PHYKPL: variants seen among roughly 807,000 people sequenced by gnomAD.
The protein encoded by PHYKPL is 5-phosphonooxy-L-lysine phospho-lyase.
PHYKPL carries 42 observed loss-of-function variants against 51.3 expected under a neutral mutation model. The observed-to-expected ratio is 0.82, with a 90% CI of 0.64 to 1.06. PHYKPL has a LOEUF of 1.06. Ranked by LOEUF, PHYKPL falls within the 50% of genes least tolerant of loss-of-function variation. The pLI is 0.00. For missense variants in PHYKPL, 655 were observed against 586.6 expected (o/e 1.12, Z -1.20); for synonymous variants, 264 against 236.0 (o/e 1.12, Z -1.09).
chr5:178,232,481 C>G lies in PHYKPL; in HGVS notation c.59+11G>C, dbSNP rs745436950. The G allele has an allele frequency of 2.7e-5, 37 of 1,366,070 alleles. No individual in the cohort carries two copies. The highest frequency in any genetic ancestry group is 5.3e-4 in the Middle Eastern group (2 of 3,784). 84.6% of individuals were successfully genotyped at this position (1,366,070 alleles called of 1,614,324 possible). A position where few individuals can be genotyped will look rare whatever the true frequency, so the allele number is the denominator to read the frequency against. On this transcript the variant is annotated intron_variant, in intron 1 of 12. Coordinates refer to ENST00000308158, the MANE Select transcript of PHYKPL (RefSeq NM_153373.4). ...CCCGCGCCCCCCGCCGCCCGCCCCC[C>G]GCCCGGGTACCTGATGAGCCGTTGC...
intron 8 of PHYKPL, among the ~76,000 whole-genome samples, chr5:178,220,402 GGA>G (rs1289210477): frequency 6.6e-6 from 1 of 151,832 alleles, no homozygotes; most frequent in African/African-American, 2.4e-5. Context: ...GGTTGAGGCA[GGA>G]GAGTTGCTTG....
rs1383827971 is a variant in PHYKPL, at chr5:178,214,832, G to A, written c.1136C>T (p.Thr379Ile). Reference protein sequence around the residue: ...VDLIKDEATRTPATEEAAYLV... With the variant: ...VDLIKDEATRIPATEEAAYLV... The stretch of plus-strand genomic sequence containing the variant: ...GTAGGCAGCCTCTTCAGTTGCTGGT[G>A]TCCTTGTGGCCTCATCTTTGATCAG... The change falls in exon 10 of 13, where the codon ACA (threonine) becomes ATA (isoleucine). Residue 379 changes from threonine (T) to isoleucine (I), a missense_variant. Thr to Ile is a moderately conservative substitution (Grantham distance 89). Coordinates refer to ENST00000308158, the MANE Select transcript of PHYKPL (RefSeq NM_153373.4). 2 of 1,613,576 alleles carry A rather than the reference G, an allele frequency of 1.2e-6. No homozygotes were observed.
intron 3 of PHYKPL, chr5:178,225,840 T>C (rs1260459829): frequency 9.9e-6 from 2 of 201,864 alleles, no homozygotes; most frequent in Admixed American, 1.1e-4. Context: ...TCCAATTCAA[T>C]TCCAACACTA....
chr5:178,225,535 C>T lies in PHYKPL; in HGVS notation c.339-106G>A. The stretch of plus-strand genomic sequence containing the variant: ...TCCAGCAGCAAGAAGATTCTCAGGA[C>T]ATCAACTAGTCAGTCACTTGCTTGT... On this transcript the variant is annotated intron_variant, in intron 3 of 12. Transcript: ENST00000308158. 2.9e-6 allele frequency: 3 copies of T among 1,024,798 alleles called. No individual in the cohort carries two copies. In the South Asian group the frequency reaches 4.0e-5, roughly 14 times the overall value. 63.5% of individuals were successfully genotyped at this position (1,024,798 alleles called of 1,614,324 possible). A position where few individuals can be genotyped will look rare whatever the true frequency, so the allele number is the denominator to read the frequency against.
chr5:178,225,213 G>T, intron 4 of PHYKPL, 142 bp downstream of exon 4: 1 of 936,204 alleles, frequency 1.1e-6, no homozygotes, highest in Non-Finnish European at 1.6e-6. Context: ...TCTCAGGCCT[G>T]GTCCTCTGCC....
chr5:178,223,627 G>C (rs369675834), intron 6 of PHYKPL: 1 of 373,468 alleles, frequency 2.7e-6, no homozygotes. Context: ...CAGAGCACCT[G>C]AAACACACAG....
chr5:178,214,522 C>A (rs1169097269), intron 10 of PHYKPL, among the ~76,000 whole-genome samples: 1 of 152,176 alleles, frequency 6.6e-6, no homozygotes, highest in Non-Finnish European at 1.5e-5. Flanking sequence ...GGCAGAGGTG[C>A]TGCTCTGGTC....
intron 10 of PHYKPL, 88 bp downstream of exon 10, chr5:178,214,708 C>T: frequency 1.6e-6 from 2 of 1,221,682 alleles, no homozygotes; most frequent in Non-Finnish European, 2.4e-6. Context: ...GCTGGGGGTA[C>T]AGATGAGGCT....
At chr5:178,223,291 C>T (rs934838076) in intron 6 of PHYKPL, 9 of 444,724 alleles carry the variant, frequency 2.0e-5, no homozygotes, top group African/African-American at 1.6e-4. Flanking sequence ...CCTCTCTAAA[C>T]CTACTCCTTG....
In PHYKPL at chr5:178,230,052, G is replaced by A; in HGVS notation, c.226C>T (p.Gln76Ter). 1 of 1,614,200 alleles carries A rather than the reference G, an allele frequency of 6.2e-7. No individual in the cohort carries two copies. ...TACCGGCTGTTGGTGTTGAGCACCT[G>A]GTTCTGCTCATGTGCTGCTTGGACC... ...LVVQAAHEQN[Q>*]VLNTNSRYLH... is the part of the protein sequence containing the mutation. The change falls in exon 3 of 13, where the codon CAG (glutamine) becomes TAG (stop). Residue 76 changes from glutamine (Q) to a stop codon, truncating the protein, a stop_gained. Transcript: ENST00000308158. LOFTEE classifies it high-confidence loss of function.
chr5:178,210,583 A>G (rs1227282097), intron 12 of PHYKPL: 1 of 1,614,196 alleles, frequency 6.2e-7, no homozygotes, highest in Admixed American at 1.7e-5. Flanking sequence ...GGCAAGAGCC[A>G]GCGACGTGGT....
chr5:178,232,650 C>G lies in PHYKPL; in HGVS notation c.-100G>C, dbSNP rs1305673318. ...CTCCGGGCCCCGCCCCTGCCTGGGT[C>G]GGGATTTGGGGCTCAGGTTCGCACT... On this transcript the variant is annotated 5_prime_UTR_variant, in exon 1 of 13. Transcript: ENST00000308158. 8.3e-7 allele frequency: 1 copy of G among 1,205,612 alleles called. No individual in the cohort carries two copies. Among genetic ancestry groups the G allele is most frequent in the Admixed American group, 4.3e-5 (1 of 23,230 alleles). 74.7% of individuals were successfully genotyped at this position (1,205,612 alleles called of 1,614,324 possible).
chr5:178,232,232 G>T (rs969528282), intron 1 of PHYKPL: 1 of 1,259,364 alleles, frequency 7.9e-7, no homozygotes. Flanking sequence ...TGAGGGCGGG[G>T]CCGTCTCCTG....
intron 10 of PHYKPL, 59 bp downstream of exon 10, chr5:178,214,737 A>G (rs934674196): frequency 2.0e-6 from 3 of 1,498,002 alleles, no homozygotes; most frequent in South Asian, 1.1e-5. Context: ...CTGGCCCTGC[A>G]AAGAGGTACC....
chr5:178,221,522 T>C (rs1191993589), intron 8 of PHYKPL, among the ~76,000 whole-genome samples: 1 of 152,196 alleles, frequency 6.6e-6, no homozygotes, highest in Non-Finnish European at 1.5e-5. Flanking sequence ...GACAGAGTGA[T>C]GGTTTTTGGC....
At chr5:178,210,778 G>A (rs981092143) in intron 12 of PHYKPL, 3 of 665,336 alleles carry the variant, frequency 4.5e-6, no homozygotes, top group Non-Finnish European at 5.4e-6. Flanking sequence ...CTCTCCTGTT[G>A]ACTATTTCCA....
chr5:178,211,705 CCTGCCAT>C (rs1167619984), intron 12 of PHYKPL, 178 bp downstream of exon 12: 1 of 589,346 alleles, frequency 1.7e-6, no homozygotes, highest in Non-Finnish European at 3.0e-6. Flanking sequence ...TATAGCTGTT[CCTGCCAT>C]CAAGTGCAAG....
chr5:178,210,152 CAG>C (rs1166268017), intron 12 of PHYKPL: 3 of 1,614,060 alleles, frequency 1.9e-6, no homozygotes, highest in Non-Finnish European at 1.7e-6. Flanking sequence ...GAGTTGGAAT[CAG>C]GGCTACGGCA....
chr5:178,231,644 G>T, intron 1 of PHYKPL, 121 bp from the exon 2 acceptor site: 2 of 1,602,182 alleles, frequency 1.2e-6, no homozygotes, highest in South Asian at 1.1e-5. Flanking sequence ...ATGAGAGCTG[G>T]AAGGGCAAGG....
Sources: gnomAD v4.1 joint callset for allele counts (sites outside exome capture counted in the v4.1 genomes callset) on GRCh38, gnomAD v4.1.1 for gene constraint, MANE v1.5 for transcripts, NCBI Gene and HGNC (gene_info 2026-07-23, HGNC 2026-07-21) for gene names.